The following EYS variants were observed in gnomAD, a reference collection of about 807,000 sequenced individuals.
EYS encodes the protein protein eyes shut homolog.
Under a neutral mutation model 282.1 loss-of-function variants are expected in EYS, and 250 were observed. The observed-to-expected ratio is 0.89, with a 90% confidence interval of 0.80 to 0.98. The LOEUF (loss-of-function observed/expected upper bound fraction) is 0.98. EYS is among the 50% of genes least tolerant of loss of function. EYS has a pLI of 0.00. For synonymous variants in EYS, 1,355 were observed against 1,282.9 expected, an observed-to-expected ratio of 1.06 and a Z score of -1.20; for missense variants, 4,016 against 3,709.0, an observed-to-expected ratio of 1.08 and a Z score of -2.15.
At chr6:63,903,396 G>A (rs1773703598) in intron 35 of EYS, among the ~76,000 whole-genome samples, 1 of 152,174 alleles carries the variant, frequency 6.6e-6, no homozygotes, top group Non-Finnish European at 1.5e-5. Flanking sequence ...CCTGACTGAT[G>A]TGATAGGTAT....
intron 26 of EYS, among the ~76,000 whole-genome samples, chr6:64,496,568 C>A (rs1333535326): frequency 6.6e-6 from 1 of 151,882 alleles, no homozygotes; most frequent in African/African-American, 2.4e-5. Context: ...GTATATCTTT[C>A]TTCTTAAGTA....
intron 5 of EYS, among the ~76,000 whole-genome samples, chr6:65,406,289 G>A (rs1052183525): frequency 6.6e-6 from 1 of 151,970 alleles, no homozygotes; most frequent in Non-Finnish European, 1.5e-5. Context: ...ATGATTGAGA[G>A]CATTTTTTGA....
At chr6:64,392,193 C>G (rs1411332686) in intron 28 of EYS, among the ~76,000 whole-genome samples, 1 of 150,418 alleles carries the variant, frequency 6.6e-6, no homozygotes, top group Non-Finnish European at 1.5e-5. Flanking sequence ...TTTAACACCC[C>G]ACTGTCAACA....
chr6:64,889,241 C>T (rs4368794), intron 18 of EYS, among the ~76,000 whole-genome samples: 83,227 of 151,198 alleles, frequency 0.55, 23,632 homozygotes, highest in Non-Finnish European at 0.61. Context: ...ATTTTGTTTT[C>T]GGTGATTTTC....
At chr6:65,066,118 C>T (rs577997562) in intron 12 of EYS, among the ~76,000 whole-genome samples, 1 of 152,080 alleles carries the variant, frequency 6.6e-6, no homozygotes, top group African/African-American at 2.4e-5. Flanking sequence ...CTGAGCCTGG[C>T]CAAGCCTTTT....
intron 2 of EYS, among the ~76,000 whole-genome samples, chr6:65,569,018 G>C (rs953062983): frequency 6.6e-6 from 1 of 152,186 alleles, no homozygotes; most frequent in Admixed American, 6.6e-5. Context: ...GATGATAACT[G>C]TCAGGCCTCT....
chr6:63,742,560 A>AT (rs1169806200), intron 41 of EYS, among the ~76,000 whole-genome samples: 3 of 152,056 alleles, frequency 2.0e-5, no homozygotes, highest in Non-Finnish European at 4.4e-5. Context: ...TTTCTCACTC[A>AT]TTTTTTGAGT....
At chr6:63,877,277 T>G (rs1406868049) in intron 35 of EYS, among the ~76,000 whole-genome samples, 1 of 152,198 alleles carries the variant, frequency 6.6e-6, no homozygotes. Flanking sequence ...TTCTTTTCCT[T>G]AAGAATGTTG....
At chr6:64,495,959 T>A (rs1776876020) in intron 26 of EYS, among the ~76,000 whole-genome samples, 1 of 151,874 alleles carries the variant, frequency 6.6e-6, no homozygotes, top group Non-Finnish European at 1.5e-5. Context: ...ACAAAAGTGC[T>A]GTATTTTAAA....
chr6:65,697,240 G>C (rs1219991398), intron 1 of EYS, among the ~76,000 whole-genome samples: 1 of 151,930 alleles, frequency 6.6e-6, no homozygotes, highest in Non-Finnish European at 1.5e-5. Flanking sequence ...ATATCATAAC[G>C]AATAGCTACT....
intron 5 of EYS, among the ~76,000 whole-genome samples, chr6:65,472,401 T>G (rs1765248423): frequency 6.6e-6 from 1 of 152,068 alleles, no homozygotes; most frequent in Non-Finnish European, 1.5e-5. Flanking sequence ...ATTTTCAATA[T>G]CTACACTAAA....
At chr6:65,513,784 T>C (rs4413592) in intron 2 of EYS, among the ~76,000 whole-genome samples, 112,376 of 150,834 alleles carry the variant, frequency 0.75, 42,638 homozygotes, top group African/African-American at 0.89. Context: ...ATTGATGGGA[T>C]GTATCTCAAA....
intron 26 of EYS, among the ~76,000 whole-genome samples, chr6:64,565,394 G>A (rs1294064839): frequency 2.0e-5 from 3 of 152,042 alleles, no homozygotes; most frequent in African/African-American, 7.2e-5. Context: ...TCAATTTATA[G>A]ATGAATGAAG....
intron 34 of EYS, among the ~76,000 whole-genome samples, chr6:63,993,244 G>A (rs1220015075): frequency 6.6e-6 from 1 of 151,444 alleles, no homozygotes; most frequent in East Asian, 1.9e-4. Context: ...TCAAGTTGAG[G>A]AACAAGATAA....
intron 36 of EYS, among the ~76,000 whole-genome samples, chr6:63,828,748 C>A (rs1771541797): frequency 6.6e-6 from 1 of 152,112 alleles, no homozygotes; most frequent in Admixed American, 6.5e-5. Context: ...AAATCAAAAC[C>A]ACAATGTGAT....
intron 31 of EYS, among the ~76,000 whole-genome samples, chr6:64,223,507 C>T (rs541124207): frequency 6.6e-6 from 1 of 152,066 alleles, no homozygotes; most frequent in East Asian, 1.9e-4. Flanking sequence ...GAATATACCC[C>T]TGAAAAACTC....
intron 22 of EYS, among the ~76,000 whole-genome samples, chr6:64,685,664 C>T (rs949926943): frequency 2.0e-5 from 3 of 152,170 alleles, no homozygotes; most frequent in African/African-American, 7.2e-5. Context: ...AAGCTTCCAG[C>T]CAGCAGAATC....
Position 65,450,814 on chromosome 6 carries a change from C to T in EYS, c.862+39780G>A, listed in dbSNP as rs186460518. On this transcript the variant is annotated intron_variant, in intron 5 of 42. Transcript: ENST00000503581. ...CCAACACCTAAGAAACATTTAACATCCCTAGACTTATGCTGAAGAATTTTG... is the reference window on the plus strand; with the variant it reads ...CCAACACCTAAGAAACATTTAACATTCCTAGACTTATGCTGAAGAATTTTG... Among the ~76,000 whole-genome samples the T allele has an allele frequency of 3.4e-4, 52 of 152,214 alleles. 1 individual carries two copies. Among genetic ancestry groups the T allele is most frequent in the Admixed American group, 3.0e-3 (46 of 15,254 alleles).
At chr6:65,005,470 T>C (rs781074295) in intron 13 of EYS, among the ~76,000 whole-genome samples, 3 of 147,570 alleles carry the variant, frequency 2.0e-5, no homozygotes, top group Non-Finnish European at 3.0e-5. Flanking sequence ...TTGGGACCTC[T>C]GTGAGCAAGG....
Sources: allele counts gnomAD v4.1 joint callset (sites outside exome capture counted in the v4.1 genomes callset), GRCh38; gene constraint gnomAD v4.1.1; transcripts MANE v1.5; gene names NCBI Gene and HGNC (gene_info 2026-07-23, HGNC 2026-07-21).